The following NSD2 variants were observed in gnomAD, a reference collection of about 807,000 sequenced individuals.
NSD2 encodes histone-lysine N-methyltransferase NSD2.
NSD2 carries 12 observed loss-of-function variants against 139.0 expected under a neutral mutation model. The ratio of observed to expected loss-of-function variants is 0.09; its 90% CI spans 0.06 to 0.14. The LOEUF (loss-of-function observed/expected upper bound fraction) is 0.14, where lower values mean the gene tolerates loss of function less well. Among genes scored for constraint, NSD2 ranks in the 10% least tolerant of loss-of-function variants. The pLI, the probability that NSD2 is intolerant of heterozygous loss-of-function variation, is 1.00. For synonymous variants in NSD2, 669 were observed against 648.7 expected (o/e 1.03, Z -0.48); for missense variants, 1,155 against 1,745.0 (o/e 0.66, Z 6.02).
At chr4:1,932,259 A>G (rs1007957936) in intron 6 of NSD2, among the ~76,000 whole-genome samples, 4 of 151,970 alleles carry the variant, frequency 2.6e-5, no homozygotes, top group African/African-American at 9.7e-5. Context: ...CAACATGGTG[A>G]AACCCCATCT....
intron 9 of NSD2, chr4:1,943,559 G>T: frequency 2.9e-6 from 3 of 1,050,856 alleles, no homozygotes; most frequent in South Asian, 4.6e-5. Flanking sequence ...GGATTTGTGT[G>T]TGTGGCGCTT....
chr4:1,884,951 A>G (rs569831013), intron 1 of NSD2, among the ~76,000 whole-genome samples: 23 of 151,908 alleles, frequency 1.5e-4, no homozygotes, highest in African/African-American at 5.3e-4. Flanking sequence ...TCTACTAAAA[A>G]TACTAAAAAT....
In NSD2 at chr4:1,883,010, T is replaced by C. The variant is rs138781220; in HGVS notation, c.-30+11468T>C. On this transcript the variant is annotated intron_variant, in intron 1 of 21. Coordinates refer to ENST00000508803, the MANE Select transcript of NSD2 (RefSeq NM_001042424.3). ...CTTGGTGGTTGGCCATTCTTGGGAT[T>C]GTGGGTGTGGAGAAAAGTGGACAGG... Among the ~76,000 whole-genome samples, 475 of 152,092 alleles carry C rather than the reference T, an allele frequency of 3.1e-3. 2 individuals are homozygous for C. The highest frequency in any genetic ancestry group is 0.011 in the African/African-American group (444 of 41,468).
chr4:1,916,371 G>C (rs1719398079), intron 3 of NSD2, among the ~76,000 whole-genome samples: 1 of 151,916 alleles, frequency 6.6e-6, no homozygotes, highest in Admixed American at 6.6e-5. Flanking sequence ...TTTGAGACAG[G>C]GTCTAGCTCT....
chr4:1,940,997 TAC>T, intron 9 of NSD2: 1 of 1,058,338 alleles, frequency 9.4e-7, no homozygotes. Flanking sequence ...GGGGCTGCTT[TAC>T]AGTTTGATAC....
intron 3 of NSD2, among the ~76,000 whole-genome samples, chr4:1,913,296 G>A (rs1718926051): frequency 6.6e-6 from 1 of 152,226 alleles, no homozygotes. Flanking sequence ...CAGTGCCTGA[G>A]AAGGCACCCG....
chr4:1,948,725 A>G lies in NSD2; in HGVS notation c.1882-2347A>G, dbSNP rs1723898735. 1 of 1,051,262 alleles carries G rather than the reference A, an allele frequency of 9.5e-7. No individual in the cohort carries two copies. The highest frequency in any genetic ancestry group is 1.7e-5 in the African/African-American group (1 of 60,100). The allele number at this position is 1,051,262 out of a possible 1,614,324, so 65.1% of individuals were successfully genotyped here. On this transcript the variant is annotated intron_variant, in intron 9 of 21. Transcript: ENST00000508803. The surrounding 1 kb of genome is among the most constrained non-coding windows in gnomAD (Gnocchi z 4.5). ...ATATGTATTCAGTGTTTATTTCCTC[A>G]AAACAGACTTTGTTAATGTAGGAAA...
chr4:1,880,177 T>C (rs1577352396), intron 1 of NSD2, among the ~76,000 whole-genome samples: 1 of 152,306 alleles, frequency 6.6e-6, no homozygotes, highest in South Asian at 2.1e-4. Flanking sequence ...GTAATCTTTG[T>C]AGAGCCTTGC....
intron 18 of NSD2, among the ~76,000 whole-genome samples, chr4:1,966,337 C>T (rs1219389640): frequency 7.2e-6 from 1 of 139,328 alleles, no homozygotes; most frequent in Admixed American, 7.6e-5. Context: ...TTTATAACTC[C>T]ATTTGTTTGT....
In NSD2 at chr4:1,929,432, G is replaced by GC. The variant is rs2108850958; in HGVS notation, c.1411-1192dup. The stretch of plus-strand genomic sequence containing the variant: ...TTCACAGAGTGGAGGCAGAGACAGT[G>GC]CCTTCACTTGCCGAAGTCCACAGAA... On this transcript the variant is annotated intron_variant, in intron 5 of 21. Transcript: ENST00000508803. 2.0e-5 allele frequency among the ~76,000 whole-genome samples: 3 copies of GC among 152,230 alleles called. No individual in the cohort carries two copies. In the South Asian group the frequency reaches 6.2e-4, roughly 32 times the overall value.
rs1724491079 is a variant in NSD2, at chr4:1,953,496, C to T, written c.2310C>T (p.Ser770=). The T allele has an allele frequency of 3.1e-6, 5 of 1,613,224 alleles. No homozygotes were observed. Among genetic ancestry groups the T allele is most frequent in the Non-Finnish European group, 4.2e-6 (5 of 1,179,708 alleles). Residue 770 remains serine, a synonymous_variant, in exon 12 of 22, where the codon TCC becomes TCT. Transcript: ENST00000508803. The part of the protein sequence containing the change: ...PLHSCVSCHA[S]NPSNPRPSKG... ...ACAGCTGTGTGAGCTGCCATGCTTCCAACCCTTCAAACCCAAGGCCGTCAA... is the reference window on the plus strand; with the variant it reads ...ACAGCTGTGTGAGCTGCCATGCTTCTAACCCTTCAAACCCAAGGCCGTCAA...
chr4:1,876,210 G>T (rs899054094), intron 1 of NSD2, among the ~76,000 whole-genome samples: 2 of 150,446 alleles, frequency 1.3e-5, no homozygotes, highest in African/African-American at 4.9e-5. Context: ...CAAGACCCCT[G>T]TCTCAAAAAA....
Position 1,906,723 on chromosome 4 carries a change from C to T in NSD2, c.760+2345C>T, listed in dbSNP as rs151189148. ...TCTCCCAGGCTAGAGTGCACTGGCG[C>T]GATCTCAGCTCACTGCAACCTCTGC... On this transcript the variant is annotated intron_variant, in intron 3 of 21. Transcript: ENST00000508803. Among the ~76,000 whole-genome samples, 74 of 145,712 alleles carry T rather than the reference C, an allele frequency of 5.1e-4. 1 individual carries two copies. Among genetic ancestry groups the T allele is most frequent in the Non-Finnish European group, 5.8e-4 (39 of 67,180 alleles).
rs1726309653 is a variant in NSD2, at chr4:1,970,204, T to C, written c.3373-4659T>C. Among the ~76,000 whole-genome samples the C allele has an allele frequency of 1.3e-5, 2 of 152,178 alleles. 1 individual carries two copies. Among genetic ancestry groups the C allele is most frequent in the Admixed American group, 1.3e-4 (2 of 15,286 alleles). ...GATTACTGGACGCAACCAAGAATCC[T>C]GTAGATACCCAGGCAAAAAAACAAA... On this transcript the variant is annotated intron_variant, in intron 18 of 21. Transcript: ENST00000508803.
intron 12 of NSD2, among the ~76,000 whole-genome samples, chr4:1,954,105 C>T (rs1479041716): frequency 3.3e-5 from 5 of 152,056 alleles, no homozygotes; most frequent in Non-Finnish European, 7.4e-5. Flanking sequence ...CCTGCCTCAT[C>T]CCTTCAGTAG....
At position 1,918,341 on chromosome 4, in the gene NSD2, C is replaced by G; in HGVS notation, c.1128C>G (p.Ser376=). The G allele has an allele frequency of 6.2e-7, 1 of 1,614,038 alleles. No homozygotes were observed. The highest frequency in any genetic ancestry group is 8.5e-7 in the Non-Finnish European group (1 of 1,180,024). Residue 376 remains serine (S), a synonymous_variant, in exon 5 of 22, where the codon TCC becomes TCG. Coordinates refer to ENST00000508803, the MANE Select transcript of NSD2 (RefSeq NM_001042424.3). Reference sequence around the variant, plus strand: ...AGTCTTTGGGAGAAATGGCAGAATCCTCAGGAGTCAGTGAAGAAGCTGCTG... The same window carrying G: ...AGTCTTTGGGAGAAATGGCAGAATCGTCAGGAGTCAGTGAAGAAGCTGCTG... ...AAESLGEMAE[S]SGVSEEAAEN...
rs145704598 is a variant in NSD2 at position 1,935,173 on chromosome 4, A to C, written c.1585A>C (p.Thr529Pro). The change falls in exon 7 of 22, where the codon ACA becomes CCA. Residue 529 changes from threonine (T) to proline (P), a missense_variant. By Grantham distance (38) the Thr-to-Pro change is conservative. Around this residue, in one of 8 missense-constraint regions of NSD2, gnomAD observed 420 missense variants for 469.0 expected, o/e 0.90. Coordinates refer to ENST00000508803, the MANE Select transcript of NSD2 (RefSeq NM_001042424.3). ...GNVNGKKRNH[T>P]KRIQDPTEDA... Reference sequence around the variant, plus strand: ...TGTAAATGGGAAAAAAAGAAACCACACAAAGAGGATACAGGACCCTACAGA... The same window carrying C: ...TGTAAATGGGAAAAAAAGAAACCACCCAAAGAGGATACAGGACCCTACAGA... 6.1e-5 allele frequency: 98 copies of C among 1,612,888 alleles called. No individual in the cohort carries two copies. Among genetic ancestry groups the C allele is most frequent in the Non-Finnish European group, 7.9e-5 (93 of 1,179,348 alleles).
chr4:1,952,954 G>A lies in NSD2; in HGVS notation c.2138-370G>A, dbSNP rs368387237. ...CACTTATGGGAGTGTCTGTCTGCCT[G>A]CCCAGAATGATAAGTGACTGCTCCA... On this transcript the variant is annotated intron_variant, in intron 11 of 21. Transcript: ENST00000508803. 152 of 1,428,832 alleles carry A rather than the reference G, an allele frequency of 1.1e-4. 1 individual carries two copies. The East Asian group carries it at 2.9e-3, about 28-fold the overall frequency. The allele number at this position is 1,428,832 out of a possible 1,614,324, so 88.5% of individuals were successfully genotyped here.
intron 1 of NSD2, among the ~76,000 whole-genome samples, chr4:1,875,471 G>A (rs954750957): frequency 1.3e-5 from 2 of 151,840 alleles, no homozygotes; most frequent in African/African-American, 2.4e-5. Context: ...ATACAGACAG[G>A]ATTTCACCAT....
Sources: gnomAD v4.1 joint callset for allele counts (sites outside exome capture counted in the v4.1 genomes callset) on GRCh38, gnomAD v4.1.1 for gene constraint, gnomAD v4.1.1 regional missense constraint, Gnocchi (gnomAD v3.1) non-coding constraint, MANE v1.5 for transcripts, NCBI Gene and HGNC (gene_info 2026-07-23, HGNC 2026-07-21) for gene names.